GSE1: variants seen among roughly 807,000 people sequenced by gnomAD.
GSE1 encodes genetic suppressor element 1.
A neutral mutation model predicts 112.6 loss-of-function variants in GSE1; 32 were observed. The ratio of observed to expected loss-of-function variants is 0.28; its 90% confidence interval spans 0.21 to 0.38. The LOEUF is 0.38. GSE1 is among the 10% of genes least tolerant of loss of function. GSE1 has a pLI of 1.00. For missense variants in GSE1, 2,348 were observed against 1,699.2 expected (o/e 1.38, Z -6.71); for synonymous variants, 1,115 against 735.6 (o/e 1.52, Z -8.35).
At chr16:85,235,418 T>C (rs1460382065) in intron 1 of GSE1, among the ~76,000 whole-genome samples, 3 of 117,756 alleles carry the variant, frequency 2.5e-5, no homozygotes, top group Admixed American at 2.5e-4. Context: ...AGGGGGGTGA[T>C]GGAAGGGTAC....
intron 2 of GSE1, among the ~76,000 whole-genome samples, chr16:85,375,376 C>G (rs73253161): frequency 0.045 from 6,843 of 152,198 alleles, 495 homozygotes; most frequent in African/African-American, 0.16. Context: ...GGACCGCAGC[C>G]ATGAGGGAGG....
intron 1 of GSE1, among the ~76,000 whole-genome samples, chr16:85,247,174 A>G (rs1232143254): frequency 6.6e-6 from 1 of 152,042 alleles, no homozygotes; most frequent in African/African-American, 2.4e-5. Flanking sequence ...TCTGGTCACA[A>G]GTGTCCTGGT....
At chr16:85,270,449 A>G (rs1266575468) in intron 1 of GSE1, among the ~76,000 whole-genome samples, 1 of 149,110 alleles carries the variant, frequency 6.7e-6, no homozygotes, top group African/African-American at 2.4e-5. Flanking sequence ...CAGCCCCTGT[A>G]GACATTCGGC....
chr16:85,334,102 A>G (rs921347207), intron 1 of GSE1, among the ~76,000 whole-genome samples: 1 of 152,022 alleles, frequency 6.6e-6, no homozygotes, highest in African/African-American at 2.4e-5. Context: ...TGCCCTCACC[A>G]TGTGCACTGA....
At chr16:85,371,711 G>C (rs1372735903) in intron 2 of GSE1, among the ~76,000 whole-genome samples, 1 of 152,202 alleles carries the variant, frequency 6.6e-6, no homozygotes, top group East Asian at 1.9e-4. Flanking sequence ...CTGAGGGTGA[G>C]CTCAGGGTGC....
At chr16:85,656,804 C>T in intron 7 of GSE1, 139 bp downstream of exon 7, 1 of 1,234,368 alleles carries the variant, frequency 8.1e-7, no homozygotes, top group South Asian at 1.6e-5. Context: ...TGTGGCTGAA[C>T]ATGGAGTAGG....
At chr16:85,315,197 G>A (rs909675274) in intron 1 of GSE1, among the ~76,000 whole-genome samples, 5 of 152,164 alleles carry the variant, frequency 3.3e-5, no homozygotes, top group African/African-American at 1.2e-4. Context: ...GGAGACAAAG[G>A]GGTGGCTGAG....
chr16:85,633,914 G>A lies in GSE1; in HGVS notation c.8G>A (p.Gly3Asp). Residue 3 changes from glycine to aspartate, a missense_variant and splice_region_variant, in exon 2 of 16, where the codon GGC (glycine) becomes GAC (aspartate). Physicochemically the swap from Gly to Asp is moderately conservative, Grantham distance 94. Coordinates refer to ENST00000253458, the MANE Select transcript of GSE1 (RefSeq NM_014615.5). ...TCTGGTTCTTCTTTTCCTGTTTCAG[G>A]CATGAGCCATGAGCCCAAGTCCCCT... Reference protein sequence around the residue: MKGMSHEPKSPSL... With the variant: MKDMSHEPKSPSL... 1 of 1,608,112 alleles carries A rather than the reference G, an allele frequency of 6.2e-7. No individual in the cohort carries two copies. Among genetic ancestry groups the A allele is most frequent in the Non-Finnish European group, 8.5e-7 (1 of 1,177,352 alleles).
At chr16:85,352,619 G>A (rs1016998071) in intron 1 of GSE1, among the ~76,000 whole-genome samples, 9 of 152,206 alleles carry the variant, frequency 5.9e-5, no homozygotes, top group Non-Finnish European at 8.8e-5. Context: ...AGGGACTGTC[G>A]TAAATGTGGC....
intron 1 of GSE1, among the ~76,000 whole-genome samples, chr16:85,347,939 G>A (rs942881357): frequency 5.3e-5 from 8 of 152,318 alleles, no homozygotes; most frequent in Middle Eastern, 3.4e-3. Flanking sequence ...GGACTTTCTT[G>A]TCTTCCAATG....
intron 1 of GSE1, among the ~76,000 whole-genome samples, chr16:85,327,341 A>AC (rs2046246635): frequency 6.6e-6 from 1 of 152,152 alleles, no homozygotes; most frequent in South Asian, 2.1e-4. Context: ...GGTGGCTCAC[A>AC]CCTGTAATCC....
At chr16:85,557,413 G>C (rs2045287851) in intron 1 of GSE1, among the ~76,000 whole-genome samples, 2 of 152,180 alleles carry the variant, frequency 1.3e-5, no homozygotes, top group Non-Finnish European at 2.9e-5. Context: ...TGTGTGGGTG[G>C]GGAGGGTGAT....
intron 1 of GSE1, among the ~76,000 whole-genome samples, chr16:85,289,537 A>G (rs959177712): frequency 6.6e-6 from 1 of 152,238 alleles, no homozygotes; most frequent in Non-Finnish European, 1.5e-5. Flanking sequence ...GATGAGGCCT[A>G]GGACTCTGCA....
intron 9 of GSE1, chr16:85,662,473 C>G (rs2052516164): frequency 6.5e-6 from 1 of 153,658 alleles, no homozygotes; most frequent in South Asian, 2.0e-4. Context: ...GGATGGAGGG[C>G]CCAGCCAAAT....
intron 1 of GSE1, among the ~76,000 whole-genome samples, chr16:85,568,021 G>C (rs1363945816): frequency 3.3e-5 from 5 of 152,200 alleles, no homozygotes; most frequent in Non-Finnish European, 7.3e-5. Context: ...CACTGTGCCT[G>C]GCCTGGGCTC....
intron 2 of GSE1, among the ~76,000 whole-genome samples, chr16:85,386,872 C>T (rs1272665700): frequency 6.6e-6 from 1 of 152,134 alleles, no homozygotes; most frequent in Non-Finnish European, 1.5e-5. Flanking sequence ...GGGTGCCATT[C>T]CTGGGGTGCC....
At position 85,296,995 on chromosome 16, in the gene GSE1, G is replaced by A. The variant is rs564554447; in HGVS notation, c.2284-60468G>A. The stretch of plus-strand genomic sequence containing the variant: ...CCTCCTTTGACCTCACTCTGTGCCT[G>A]CTGGGTGTGGACTGCATCTTTATTG... On this transcript the variant is annotated intron_variant, in intron 1 of 2. Coordinates refer to the GSE1 transcript ENST00000637419. Among the ~76,000 whole-genome samples, 7 of 152,344 alleles carry A rather than the reference G, an allele frequency of 4.6e-5. No individual in the cohort carries two copies. The South Asian group carries it at 1.2e-3, about 27-fold the overall frequency.
chr16:85,554,934 AC>A (rs1349471581), upstream of GSE1: 1 of 984,392 alleles, frequency 1.0e-6, no homozygotes, highest in East Asian at 1.1e-4. Flanking sequence ...CGGCAGCGGC[AC>A]CCTCCCCGGG....
At chr16:85,600,035 G>C (rs570530148) in intron 1 of GSE1, among the ~76,000 whole-genome samples, 24 of 152,204 alleles carry the variant, frequency 1.6e-4, no homozygotes, top group Non-Finnish European at 2.1e-4. Context: ...GCCGTGCCTG[G>C]CTACCCCTCT....
Sources: allele counts gnomAD v4.1 joint callset (sites outside exome capture counted in the v4.1 genomes callset), GRCh38; gene constraint gnomAD v4.1.1; transcripts MANE v1.5; gene names NCBI Gene and HGNC (gene_info 2026-07-23, HGNC 2026-07-21).